The following TAB2 variants were observed in gnomAD, a reference collection of about 807,000 sequenced individuals.
TAB2 encodes TGF-beta-activated kinase 1 and MAP3K7-binding protein 2.
A neutral mutation model predicts 65.0 loss-of-function variants in TAB2; 3 were observed. That is an observed-to-expected ratio of 0.05 (90% CI 0.02 to 0.12). TAB2 has a LOEUF of 0.12. Ranked by LOEUF, TAB2 falls within the 10% of genes least tolerant of loss-of-function variation. The probability of loss-of-function intolerance (pLI) is 1.00; values close to 1 mark genes in which losing one functional copy is unlikely to be tolerated. For missense variants in TAB2, 623 were observed against 840.3 expected, an observed-to-expected ratio of 0.74 and a Z score of 3.20; for synonymous variants, 298 against 285.1, an observed-to-expected ratio of 1.05 and a Z score of -0.46.
intron 1 of TAB2, among the ~76,000 whole-genome samples, chr6:149,273,724 G>A (rs1380625259): frequency 6.6e-6 from 1 of 152,214 alleles, no homozygotes; most frequent in African/African-American, 2.4e-5. Context: ...GAGGAGATTG[G>A]GATTGTGCCC....
In TAB2 at chr6:149,378,206, G is replaced by A; in HGVS notation, c.291G>A (p.Met97Ile). ...IYHHGREGSR[M>I]NGSRTLTHSI... is the part of the protein sequence containing the mutation. ...ACCATGGAAGAGAAGGAAGTAGGAT[G>A]AATGGAAGTAGGACTCTAACGCACA... is the stretch of plus-strand genomic sequence containing the variant. Residue 97 changes from methionine (M) to isoleucine (I), a missense_variant, in exon 3 of 7, where the codon ATG becomes ATA. Met to Ile is a conservative substitution (Grantham distance 10, BLOSUM62 1). Transcript: ENST00000637181. 2 of 1,614,186 alleles carry A rather than the reference G, an allele frequency of 1.2e-6. No homozygotes were observed. The highest frequency in any genetic ancestry group is 1.7e-6 in the Non-Finnish European group (2 of 1,180,036).
At position 149,378,086 on chromosome 6, in the gene TAB2, A is replaced by G. The variant is rs1260428757; in HGVS notation, c.171A>G (p.Glu57=). 1.2e-6 allele frequency: 2 copies of G among 1,614,132 alleles called. No homozygotes were observed. The highest frequency in any genetic ancestry group is 2.2e-5 in the East Asian group (1 of 44,882). Residue 57 remains glutamate, a synonymous_variant, in exon 3 of 7, where the codon GAA becomes GAG. Coordinates refer to ENST00000637181, the MANE Select transcript of TAB2 (RefSeq NM_001292034.3). ...SQESTRYLYG[E]GDLNFSDDSG... ...AGAGTACAAGATATCTTTATGGTGA[A>G]GGAGACTTGAATTTTTCAGATGATT...
chr6:149,398,847 A>G (rs1391344199), intron 5 of TAB2, among the ~76,000 whole-genome samples: 2 of 152,138 alleles, frequency 1.3e-5, no homozygotes, highest in African/African-American at 4.8e-5. Flanking sequence ...TTCTACTTCT[A>G]TTAATGTCTT....
At chr6:149,286,289 G>T (rs1294253343) in intron 1 of TAB2, among the ~76,000 whole-genome samples, 16 of 152,124 alleles carry the variant, frequency 1.1e-4, no homozygotes, top group Non-Finnish European at 1.5e-5. Context: ...AAATATTATT[G>T]ATATGGTGCA....
At chr6:149,284,800 C>A (rs1007439251) in intron 1 of TAB2, among the ~76,000 whole-genome samples, 3 of 152,244 alleles carry the variant, frequency 2.0e-5, no homozygotes, top group Middle Eastern at 6.8e-3. Flanking sequence ...AAATTAACAT[C>A]TAAAGAACTG....
intron 1 of TAB2, among the ~76,000 whole-genome samples, chr6:149,337,657 A>G (rs1013286602): frequency 3.3e-5 from 5 of 152,218 alleles, no homozygotes; most frequent in Non-Finnish European, 4.4e-5. Flanking sequence ...TCATCTTGTA[A>G]CACCACAGTC....
chr6:149,355,361 G>A (rs1362983342), intron 1 of TAB2, among the ~76,000 whole-genome samples: 2 of 151,948 alleles, frequency 1.3e-5, no homozygotes, highest in African/African-American at 2.4e-5. Context: ...GGTTTTTACT[G>A]TTAGAAAACT....
chr6:149,399,939 A>G (rs1782314446), intron 6 of TAB2, among the ~76,000 whole-genome samples: 1 of 152,254 alleles, frequency 6.6e-6, no homozygotes, highest in Non-Finnish European at 1.5e-5. Context: ...GTATTTTTGT[A>G]TGCATTTGAA....
chr6:149,409,701 G>A lies in TAB2; in HGVS notation c.2064G>A (p.Glu688=). The change falls in exon 7 of 7, where the codon GAG becomes GAA. Residue 688 remains glutamate (E), a synonymous_variant. Transcript: ENST00000637181. ...HPALIRCEQC[E]MPRHF is the part of the protein sequence containing the mutation. ...CCTTAATTCGCTGTGAACAGTGTGA[G>A]ATGCCAAGGCATTTCTGAGCCAAAT... 1 of 1,614,130 alleles carries A rather than the reference G, an allele frequency of 6.2e-7. No individual in the cohort carries two copies.
At chr6:149,319,036 G>T (rs1366371348) in intron 1 of TAB2, among the ~76,000 whole-genome samples, 1 of 152,180 alleles carries the variant, frequency 6.6e-6, no homozygotes, top group African/African-American at 2.4e-5. Flanking sequence ...CGCTAAGATC[G>T]TATTCAGAGC....
intron 3 of TAB2, among the ~76,000 whole-genome samples, chr6:149,393,873 T>C (rs68080376): frequency 0.24 from 35,836 of 152,062 alleles, 4,414 homozygotes; most frequent in Non-Finnish European, 0.26. Context: ...TATGAAATTT[T>C]TCTAGCTGCC....
intron 1 of TAB2, among the ~76,000 whole-genome samples, chr6:149,349,622 A>G (rs1780424930): frequency 6.6e-6 from 1 of 152,148 alleles, no homozygotes; most frequent in African/African-American, 2.4e-5. Flanking sequence ...TTTCTTACAA[A>G]TGAAATTACA....
chr6:149,265,921 C>A (rs896517475), intron 1 of TAB2, among the ~76,000 whole-genome samples: 1 of 152,196 alleles, frequency 6.6e-6, no homozygotes, highest in Non-Finnish European at 1.5e-5. Flanking sequence ...TCCCTGCTCT[C>A]GGCTTTTGTC....
chr6:149,400,010 G>T (rs193050139), intron 6 of TAB2, among the ~76,000 whole-genome samples: 67 of 152,294 alleles, frequency 4.4e-4, no homozygotes, highest in African/African-American at 1.3e-3. Context: ...AGTAAATCAC[G>T]ATTAAACGTT....
chr6:149,297,054 CTCTCTA>C (rs1211497063), intron 1 of TAB2, among the ~76,000 whole-genome samples: 2 of 148,468 alleles, frequency 1.3e-5, no homozygotes, highest in African/African-American at 5.2e-5. Context: ...CTCATTCATC[CTCTCTA>C]TCTCTCTCTC....
chr6:149,282,552 G>A (rs1433601061), intron 1 of TAB2, among the ~76,000 whole-genome samples: 1 of 152,070 alleles, frequency 6.6e-6, no homozygotes, highest in Non-Finnish European at 1.5e-5. Flanking sequence ...GAGCCATAAG[G>A]CAAATCTCAA....
chr6:149,357,442 C>A (rs1458348687), intron 1 of TAB2, among the ~76,000 whole-genome samples: 27 of 141,118 alleles, frequency 1.9e-4, no homozygotes, highest in Admixed American at 2.9e-4. Context: ...CACACACACA[C>A]ACACACACAC....
intron 3 of TAB2, among the ~76,000 whole-genome samples, chr6:149,383,050 G>A (rs1462004596): frequency 6.7e-6 from 1 of 149,792 alleles, no homozygotes; most frequent in African/African-American, 2.5e-5. Flanking sequence ...AGCTACTCAG[G>A]AGGCTGAGGC....
chr6:149,394,190 G>A (rs1782090208), intron 3 of TAB2, among the ~76,000 whole-genome samples: 1 of 151,726 alleles, frequency 6.6e-6, no homozygotes, highest in South Asian at 2.1e-4. Flanking sequence ...ATTCTTCTGT[G>A]TCCAGTGTGT....
Sources: gnomAD v4.1 joint callset for allele counts (sites outside exome capture counted in the v4.1 genomes callset) on GRCh38, gnomAD v4.1.1 for gene constraint, MANE v1.5 for transcripts, NCBI Gene and HGNC (gene_info 2026-07-23, HGNC 2026-07-21) for gene names.